AGBL3: variants seen among roughly 807,000 people sequenced by gnomAD.
AGBL3 encodes the protein cytosolic carboxypeptidase 3.
AGBL3 carries 68 observed loss-of-function variants against 94.5 expected under a neutral mutation model. That is an observed-to-expected ratio of 0.72 (90% CI 0.59 to 0.88). The LOEUF (loss-of-function observed/expected upper bound fraction) is 0.88, where lower values mean the gene tolerates loss of function less well. Among genes scored for constraint, AGBL3 ranks in the 40% least tolerant of loss-of-function variants. The probability of loss-of-function intolerance (pLI) is 0.00; values close to 1 mark genes in which losing one functional copy is unlikely to be tolerated. For missense variants in AGBL3, 934 were observed against 1,103.8 expected, an observed-to-expected ratio of 0.85 and a Z score of 2.18; for synonymous variants, 354 against 370.7, an observed-to-expected ratio of 0.95 and a Z score of 0.52.
At chr7:135,133,401 A>G (rs1829065475) in intron 16 of AGBL3, among the ~76,000 whole-genome samples, 1 of 152,232 alleles carries the variant, frequency 6.6e-6, no homozygotes, top group Non-Finnish European at 1.5e-5. Flanking sequence ...AAATCCCAGC[A>G]AGATCTTTTG....
chr7:135,027,060 AT>A, intron 5 of AGBL3, among the ~76,000 whole-genome samples: 1 of 151,372 alleles, frequency 6.6e-6, no homozygotes. Context: ...TTTTATTTGA[AT>A]TTTTGGAGAC....
intron 9 of AGBL3, 98 bp downstream of exon 9, chr7:135,044,249 C>A: frequency 8.6e-7 from 1 of 1,167,352 alleles, no homozygotes; most frequent in Non-Finnish European, 1.1e-6. Context: ...TACTTTCTTC[C>A]TATTTAAATA....
intron 8 of AGBL3, among the ~76,000 whole-genome samples, chr7:135,038,578 T>C (rs1816530249): frequency 6.6e-6 from 1 of 152,220 alleles, no homozygotes; most frequent in Non-Finnish European, 1.5e-5. Flanking sequence ...ACCACCACTC[T>C]GCAGCTTAAA....
intron 12 of AGBL3, among the ~76,000 whole-genome samples, 178 bp from the exon 13 acceptor site, chr7:135,076,219 C>CCTTTCCA (rs1820433439): frequency 6.6e-6 from 1 of 152,190 alleles, no homozygotes; most frequent in African/African-American, 2.4e-5. Flanking sequence ...TCTGTCTTCT[C>CCTTTCCA]CTTTCCATCT....
chr7:135,016,193 T>A (rs1055939586), intron 4 of AGBL3, among the ~76,000 whole-genome samples: 5 of 152,198 alleles, frequency 3.3e-5, no homozygotes, highest in Admixed American at 1.3e-4. Context: ...AAATAAAACA[T>A]TTAAATTTTT....
In AGBL3 at chr7:135,034,435, T is replaced by G; in HGVS notation, c.844T>G (p.Trp282Gly). ...TGGGCGCCATTATTTCTCTCTTACA[T>G]GGACATTTCAATTTCCACACAACAA... ...QDGRHYFSLT[W>G]TFQFPHNKDT... The change falls in exon 7 of 17, where the codon TGG becomes GGG. Residue 282 changes from tryptophan to glycine, a missense_variant. This residue lies in a region of AGBL3 where 488 missense variants were observed against 563.6 expected (regional missense o/e 0.87). Transcript: ENST00000436302. 1 of 1,551,736 alleles carries G rather than the reference T, an allele frequency of 6.4e-7. No homozygotes were observed. The highest frequency in any genetic ancestry group is 8.7e-7 in the Non-Finnish European group (1 of 1,146,986).
intron 6 of AGBL3, among the ~76,000 whole-genome samples, chr7:135,033,453 T>C (rs1815981956): frequency 6.6e-6 from 1 of 152,202 alleles, no homozygotes; most frequent in Non-Finnish European, 1.5e-5. Context: ...TGTTCCTAGG[T>C]GATTATTTAC....
At chr7:135,052,808 G>T (rs1817997267) in intron 11 of AGBL3, among the ~76,000 whole-genome samples, 1 of 152,106 alleles carries the variant, frequency 6.6e-6, no homozygotes, top group Admixed American at 6.5e-5. Context: ...TATATATCAT[G>T]TGTTATCTAT....
At chr7:135,073,512 A>AAATAAATAAATAAATAAACG (rs1554510800) in intron 12 of AGBL3, among the ~76,000 whole-genome samples, 9 of 144,236 alleles carry the variant, frequency 6.2e-5, no homozygotes, top group South Asian at 2.2e-4. Flanking sequence ...ATAAATAAAT[A>AAATAAATAAATAAATAAACG]AACCTTGCAG....
intron 15 of AGBL3, among the ~76,000 whole-genome samples, chr7:135,096,771 G>GAAAGAAAGAA (rs1563260822): frequency 6.7e-6 from 1 of 148,466 alleles, no homozygotes; most frequent in Non-Finnish European, 1.5e-5. Flanking sequence ...AAGAAAGAAA[G>GAAAGAAAGAA]AAAGAAAGAA....
chr7:135,121,899 AC>A (rs1188117150), intron 16 of AGBL3, among the ~76,000 whole-genome samples: 1 of 152,144 alleles, frequency 6.6e-6, no homozygotes, highest in East Asian at 1.9e-4. Context: ...GAACTGTGAA[AC>A]CTATAGATTG....
In AGBL3 at chr7:135,004,288, T is replaced by G. The variant is rs528327845; in HGVS notation, c.310+10610T>G. On this transcript the variant is annotated intron_variant, in intron 4 of 16. Coordinates refer to ENST00000436302, the MANE Select transcript of AGBL3 (RefSeq NM_178563.4). ...TGTATAGTATTGAAATAAAGTGCAG[T>G]TAGTCATTGTGGATAATTTTTAGTG... 1.3e-4 allele frequency among the ~76,000 whole-genome samples: 19 copies of G among 151,840 alleles called. No homozygotes were observed. In the South Asian group the frequency reaches 3.9e-3, roughly 31 times the overall value.
chr7:135,088,042 A>C (rs1821469144), intron 15 of AGBL3, among the ~76,000 whole-genome samples: 1 of 151,904 alleles, frequency 6.6e-6, no homozygotes, highest in African/African-American at 2.4e-5. Context: ...ATATCTTCTT[A>C]TTGAGTTGAT....
intron 16 of AGBL3, among the ~76,000 whole-genome samples, chr7:135,130,364 C>G (rs1200143083): frequency 6.6e-6 from 1 of 152,102 alleles, no homozygotes; most frequent in Non-Finnish European, 1.5e-5. Context: ...GTATATGCTC[C>G]ACTGGTTTCA....
intron 9 of AGBL3, among the ~76,000 whole-genome samples, chr7:135,044,361 AT>A (rs1336232941): frequency 6.6e-6 from 1 of 152,170 alleles, no homozygotes; most frequent in Non-Finnish European, 1.5e-5. Flanking sequence ...AGATTTAAGC[AT>A]ATAAACAGAA....
intron 5 of AGBL3, among the ~76,000 whole-genome samples, chr7:135,028,328 T>C (rs1274808210): frequency 2.0e-5 from 3 of 148,704 alleles, no homozygotes; most frequent in Admixed American, 6.8e-5. Context: ...TCTTTCAAAA[T>C]TGGAGTCAGT....
At chr7:135,028,893 A>C (rs928474239) in intron 5 of AGBL3, among the ~76,000 whole-genome samples, 6 of 152,232 alleles carry the variant, frequency 3.9e-5, no homozygotes, top group Admixed American at 3.9e-4. Context: ...GTTAACAGGC[A>C]TGAAAACAAT....
chr7:135,100,522 C>A lies in AGBL3; in HGVS notation c.2111-14858C>A, dbSNP rs115922255. On this transcript the variant is annotated intron_variant, in intron 15 of 16. Transcript: ENST00000436302. ...AACTAGATTTGTACAACAGAGAGAC[C>A]ATGGTATATCCTCTCTTCCTTCCTG... Among the ~76,000 whole-genome samples, 234 of 152,162 alleles carry A rather than the reference C, an allele frequency of 1.5e-3. 1 individual carries two copies. The highest frequency in any genetic ancestry group is 5.4e-3 in the African/African-American group (226 of 41,518).
chr7:135,128,318 A>AAAAAAAAAAAAAAAAAAAAAC, intron 16 of AGBL3: 1 of 169,894 alleles, frequency 5.9e-6, no homozygotes, highest in Non-Finnish European at 1.2e-5. Context: ...AAAAAAAAAA[A>AAAAAAAAAAAAAAAAAAAAAC]ACGAAAAAAA....
Sources: gnomAD v4.1 joint callset for allele counts (sites outside exome capture counted in the v4.1 genomes callset) on GRCh38, gnomAD v4.1.1 for gene constraint, gnomAD v4.1.1 regional missense constraint, MANE v1.5 for transcripts, NCBI Gene and HGNC (gene_info 2026-07-23, HGNC 2026-07-21) for gene names.